Variants in PALM2AKAP2 observed in about 807,000 individuals in gnomAD.
PALM2AKAP2 encodes the protein PALM2-AKAP2 fusion protein.
Under a neutral mutation model 71.5 loss-of-function variants are expected in PALM2AKAP2, and 37 were observed. The observed-to-expected ratio is 0.52, with a 90% CI of 0.40 to 0.68. The LOEUF is 0.68. Ranked by LOEUF, PALM2AKAP2 falls within the 30% of genes least tolerant of loss-of-function variation. The probability of loss-of-function intolerance (pLI) is 0.00; values close to 1 mark genes in which losing one functional copy is unlikely to be tolerated. For missense variants in PALM2AKAP2, 1,224 were observed against 1,191.8 expected (o/e 1.03, Z -0.40); for synonymous variants, 468 against 478.8 (o/e 0.98, Z 0.29).
intron 1 of PALM2AKAP2, among the ~76,000 whole-genome samples, chr9:109,750,570 A>AAGTGTG (rs746154004): frequency 0.08 from 7,778 of 97,794 alleles, 233 homozygotes; most frequent in South Asian, 0.083. Context: ...CTGCCCTAGG[A>AAGTGTG]CGTGTGTGTG....
At chr9:109,689,937 G>A (rs1459246096) in intron 1 of PALM2AKAP2, among the ~76,000 whole-genome samples, 1 of 152,178 alleles carries the variant, frequency 6.6e-6, no homozygotes, top group Non-Finnish European at 1.5e-5. Context: ...GCTAGAAGTG[G>A]AATGAGGCCA....
rs115974063 is a variant in PALM2AKAP2 at position 109,658,151 on chromosome 9, T to A, written c.5+17285T>A. Among the ~76,000 whole-genome samples, 884 of 152,202 alleles carry A rather than the reference T, an allele frequency of 5.8e-3. 15 individuals are homozygous for A. The highest frequency in any genetic ancestry group is 0.021 in the African/African-American group (863 of 41,532). Reference sequence around the variant, plus strand: ...TAAGTTTGAAATGCTTATTAGACATTCAGATGGAAATGCTGAGAGGGTGGT... The same window carrying A: ...TAAGTTTGAAATGCTTATTAGACATACAGATGGAAATGCTGAGAGGGTGGT... On this transcript the variant is annotated intron_variant, in intron 1 of 6. Transcript: ENST00000374531.
At chr9:110,050,923 C>T (rs918575715) in intron 1 of PALM2AKAP2, among the ~76,000 whole-genome samples, 5 of 152,218 alleles carry the variant, frequency 3.3e-5, no homozygotes, top group East Asian at 1.9e-4. Context: ...CCACCACACC[C>T]GGCCTGGCCC....
rs544557403 is a variant in PALM2AKAP2, at chr9:110,105,585, A to G, written c.157-30542A>G. Among the ~76,000 whole-genome samples the G allele has an allele frequency of 7.9e-5, 12 of 152,332 alleles. No individual in the cohort carries two copies. The South Asian group carries it at 1.9e-3, about 24-fold the overall frequency. ...CAATAAGGTCCATTTGGTGGCTACA[A>G]ATTAATCCATTTAAAACCCCTGATA... On this transcript the variant is annotated intron_variant, in intron 1 of 3. Coordinates refer to ENST00000374525, the Ensembl canonical transcript of PALM2AKAP2.
intron 1 of PALM2AKAP2, among the ~76,000 whole-genome samples, chr9:110,120,699 T>TCA: frequency 6.6e-6 from 1 of 152,240 alleles, no homozygotes; most frequent in African/African-American, 2.4e-5. Flanking sequence ...GAGACAAGGT[T>TCA]TCACCATGTT....
rs180955951 is a variant in PALM2AKAP2, at chr9:109,947,888, C to T, written c.496+15860C>T. Among the ~76,000 whole-genome samples the T allele has an allele frequency of 8.5e-4, 130 of 152,324 alleles. 1 individual carries two copies. Among genetic ancestry groups the T allele is most frequent in the African/African-American group, 2.7e-3 (114 of 41,582 alleles). ...GTGTTTCAGAAACTTCATAAATACA[C>T]GATCTTTCAGGTGCTCCTCAATTTC... On this transcript the variant is annotated intron_variant, in intron 6 of 9. Coordinates refer to the PALM2AKAP2 transcript ENST00000302798.
chr9:109,873,188 C>A (rs539052619), intron 2 of PALM2AKAP2, among the ~76,000 whole-genome samples: 2 of 152,140 alleles, frequency 1.3e-5, no homozygotes, highest in Non-Finnish European at 2.9e-5. Context: ...TTAGGCCAGG[C>A]GCAGTGGCTC....
chr9:109,856,723 C>T (rs144607100), intron 1 of PALM2AKAP2, among the ~76,000 whole-genome samples: 4 of 152,258 alleles, frequency 2.6e-5, no homozygotes, highest in African/African-American at 9.6e-5. Context: ...CTTCTTTATA[C>T]TTTTCTATAT....
At position 109,932,029 on chromosome 9, in the gene PALM2AKAP2, G is replaced by A. The variant is rs765108654; in HGVS notation, c.496+1G>A. On this transcript the variant is annotated splice_donor_variant, in intron 6 of 9. Coordinates refer to the PALM2AKAP2 transcript ENST00000302798. LOFTEE classifies it high-confidence loss of function. The stretch of plus-strand genomic sequence containing the variant: ...CAGGACGGGACCAGCAGAGCGGCTG[G>A]TAAGTCCTGGGGACCTTTGGACGCT... 2 of 1,611,968 alleles carry A rather than the reference G, an allele frequency of 1.2e-6. No homozygotes were observed. The highest frequency in any genetic ancestry group is 2.2e-5 in the East Asian group (1 of 44,812).
chr9:109,721,875 T>A (rs1265964728), intron 1 of PALM2AKAP2, among the ~76,000 whole-genome samples: 1 of 152,226 alleles, frequency 6.6e-6, no homozygotes, highest in Non-Finnish European at 1.5e-5. Flanking sequence ...TCTTCCATCA[T>A]CTGTCATACC....
chr9:109,691,865 TATACACAC>T (rs1207969442), intron 1 of PALM2AKAP2, among the ~76,000 whole-genome samples: 2 of 45,368 alleles, frequency 4.4e-5, no homozygotes, highest in South Asian at 1.4e-3. Context: ...TATATATATA[TATACACAC>T]ACACACACAT....
chr9:109,670,919 T>C (rs1263158184), intron 1 of PALM2AKAP2, among the ~76,000 whole-genome samples: 1 of 152,236 alleles, frequency 6.6e-6, no homozygotes, highest in African/African-American at 2.4e-5. Flanking sequence ...TATGTCTTCT[T>C]TTGAAAAATG....
intron 6 of PALM2AKAP2, among the ~76,000 whole-genome samples, chr9:109,988,920 G>A (rs557084094): frequency 6.6e-6 from 1 of 152,152 alleles, no homozygotes; most frequent in Non-Finnish European, 1.5e-5. Context: ...CACAAGATCT[G>A]GTGGTTTTAT....
Position 109,867,542 on chromosome 9 carries a change from G to T in PALM2AKAP2, c.97G>T (p.Glu33Ter). The T allele has an allele frequency of 6.2e-7, 1 of 1,612,794 alleles. No individual in the cohort carries two copies. ...AGAAGGCAAGCGACAACAGCTTGAC[G>T]AGCAGATACTTCTGCTGCAGCATTC... Residue 33 changes from glutamate (E) to a stop codon, truncating the protein, a stop_gained, in exon 2 of 10, where the codon GAG (glutamate) becomes TAG (stop). Coordinates refer to the PALM2AKAP2 transcript ENST00000302798. LOFTEE classifies it high-confidence loss of function.
At chr9:109,725,952 T>A (rs1011234044) in intron 1 of PALM2AKAP2, among the ~76,000 whole-genome samples, 21 of 152,212 alleles carry the variant, frequency 1.4e-4, no homozygotes, top group African/African-American at 4.8e-4. Flanking sequence ...CATATTTCAA[T>A]TTCCCCATGG....
intron 1 of PALM2AKAP2, among the ~76,000 whole-genome samples, chr9:110,109,769 T>C (rs549514705): frequency 1.3e-5 from 2 of 152,218 alleles, no homozygotes; most frequent in South Asian, 2.1e-4. Context: ...AGGGGACAGA[T>C]ACAGGAAAAG....
intron 1 of PALM2AKAP2, among the ~76,000 whole-genome samples, chr9:110,116,389 C>T (rs497613): frequency 0.39 from 58,742 of 150,208 alleles, 12,262 homozygotes; most frequent in East Asian, 0.68. Context: ...TGTGTGTGTG[C>T]GCATGTGTGT....
intron 1 of PALM2AKAP2, among the ~76,000 whole-genome samples, chr9:109,758,829 C>T (rs749523329): frequency 3.9e-4 from 60 of 152,150 alleles, no homozygotes; most frequent in Non-Finnish European, 6.0e-4. Context: ...CAATTTGAGT[C>T]TCATGTTGGC....
chr9:109,880,708 C>T (rs1292862539), intron 3 of PALM2AKAP2, 27 bp downstream of exon 3: 1 of 1,611,518 alleles, frequency 6.2e-7, no homozygotes, highest in Non-Finnish European at 8.5e-7. Flanking sequence ...CCAGGGAACC[C>T]ATGCTACAGT....
Sources: allele counts gnomAD v4.1 joint callset (sites outside exome capture counted in the v4.1 genomes callset), GRCh38; gene constraint gnomAD v4.1.1; transcripts MANE v1.5; gene names NCBI Gene and HGNC (gene_info 2026-07-23, HGNC 2026-07-21).